Variants in ANK2 observed in about 807,000 individuals in gnomAD.
The protein encoded by ANK2 is ankyrin-2.
A neutral mutation model predicts 360.5 loss-of-function variants in ANK2; 83 were observed. The observed-to-expected ratio is 0.23, with a 90% CI of 0.19 to 0.28. ANK2 has a LOEUF of 0.28. ANK2 is among the 10% of genes least tolerant of loss of function. The pLI is 1.00. For missense variants in ANK2, 4,201 were observed against 4,795.7 expected (o/e 0.88, Z 3.66); for synonymous variants, 1,740 against 1,759.5 (o/e 0.99, Z 0.28).
chr4:113,355,042 C>G lies in ANK2; in HGVS notation c.6424C>G (p.Gln2142Glu). The G allele has an allele frequency of 6.2e-7, 1 of 1,614,012 alleles. No individual in the cohort carries two copies. Among genetic ancestry groups the G allele is most frequent in the Non-Finnish European group, 8.5e-7 (1 of 1,179,956 alleles). The stretch of plus-strand genomic sequence containing the variant: ...CACTGACTTCTCTGAGGTCATTAAG[C>G]AAGAGTTGGAAGACAATGACAAATA... ...TSTDFSEVIK[Q>E]ELEDNDKYQQ... is the part of the protein sequence containing the mutation. The change falls in exon 38 of 46, where the codon CAA becomes GAA. Residue 2142 changes from glutamine (Q) to glutamate (E), a missense_variant. Around this residue, in one of 4 missense-constraint regions of ANK2, gnomAD observed 2,642 missense variants for 2,714.5 expected, o/e 0.97. Transcript: ENST00000357077.
At chr4:113,098,005 G>A (rs1036578880) in intron 1 of ANK2, among the ~76,000 whole-genome samples, 1 of 151,002 alleles carries the variant, frequency 6.6e-6, no homozygotes, top group Admixed American at 6.6e-5. Flanking sequence ...GTTTATAAAT[G>A]CTATTCATGT....
chr4:112,814,225 T>C (rs1553924186), upstream of ANK2, among the ~76,000 whole-genome samples: 1 of 152,216 alleles, frequency 6.6e-6, no homozygotes. Context: ...CATTTTCTTA[T>C]AGTCTTTCCT....
At chr4:113,341,273 AG>A (rs1288629105) in intron 32 of ANK2, among the ~76,000 whole-genome samples, 1 of 152,100 alleles carries the variant, frequency 6.6e-6, no homozygotes, top group Non-Finnish European at 1.5e-5. Flanking sequence ...ACAGCTAGGG[AG>A]GGGGGATCAA....
intron 26 of ANK2, among the ~76,000 whole-genome samples, chr4:113,326,746 A>T (rs1416061956): frequency 2.0e-5 from 3 of 152,190 alleles, no homozygotes; most frequent in Admixed American, 2.0e-4. Context: ...TCATACCTGT[A>T]ATCCCAGCAC....
chr4:113,213,539 A>G (rs2099048695), intron 4 of ANK2, among the ~76,000 whole-genome samples: 2 of 152,198 alleles, frequency 1.3e-5, no homozygotes, highest in Non-Finnish European at 2.9e-5. Flanking sequence ...GTGTTCCCCT[A>G]TAATATAAAT....
chr4:113,228,447 A>G (rs2099251373), intron 4 of ANK2, among the ~76,000 whole-genome samples: 1 of 152,090 alleles, frequency 6.6e-6, no homozygotes, highest in Non-Finnish European at 1.5e-5. Context: ...TTAGTTTTCC[A>G]TTCCTGAGTT....
intron 4 of ANK2, among the ~76,000 whole-genome samples, chr4:113,208,980 A>G (rs185859295): frequency 1.6e-3 from 247 of 152,174 alleles, no homozygotes; most frequent in Non-Finnish European, 2.4e-3. Flanking sequence ...GGCAAAGGGC[A>G]TACTTCCCCT....
the ANK2 span, among the ~76,000 whole-genome samples, chr4:112,795,704 A>G: frequency 2.0e-5 from 3 of 151,696 alleles, no homozygotes; most frequent in South Asian, 4.2e-4. Context: ...GGGTTTCACA[A>G]TGTTGGCCAG....
chr4:112,783,267 C>G, the ANK2 span, among the ~76,000 whole-genome samples: 40,724 of 152,156 alleles, frequency 0.27, 5,860 homozygotes, highest in East Asian at 0.35. Context: ...TTCATGTGAA[C>G]ACATGTGTAT....
chr4:113,333,203 A>G lies in ANK2; in HGVS notation c.3374A>G (p.Asp1125Gly), dbSNP rs2153943504. 6.2e-7 allele frequency: 1 copy of G among 1,614,152 alleles called. No individual in the cohort carries two copies. The highest frequency in any genetic ancestry group is 2.2e-5 in the East Asian group (1 of 44,876). ...DELNEILNGM[D>G]EVLDSPEDLE... ...TTGAATGAAATTCTTAACGGCATGGATGAAGGTACTTTCAGATGAAGCGTT... is the reference window on the plus strand; with the variant it reads ...TTGAATGAAATTCTTAACGGCATGGGTGAAGGTACTTTCAGATGAAGCGTT... The change falls in exon 29 of 46, where the codon GAT (aspartate) becomes GGT (glycine). Residue 1125 changes from aspartate (D) to glycine (G), a missense_variant. By Grantham distance (94) the Asp-to-Gly change is moderately conservative. This residue lies in a region of ANK2 where 1,268 missense variants were observed against 1,650.8 expected (regional missense o/e 0.77). Transcript: ENST00000357077.
At chr4:112,881,931 T>G (rs1321179924) in intron 1 of ANK2, 1 of 672,278 alleles carries the variant, frequency 1.5e-6, no homozygotes, top group East Asian at 2.6e-5. Flanking sequence ...TGGCTTTGCA[T>G]TCACGGCTGC....
At chr4:113,281,607 C>T (rs1235685436) in intron 17 of ANK2, among the ~76,000 whole-genome samples, 5 of 152,074 alleles carry the variant, frequency 3.3e-5, no homozygotes. Context: ...GCTCTCTTTC[C>T]CTTCAGCATG....
At chr4:113,200,928 C>A (rs1159453844) in intron 4 of ANK2, among the ~76,000 whole-genome samples, 1 of 151,954 alleles carries the variant, frequency 6.6e-6, no homozygotes, top group East Asian at 1.9e-4. Flanking sequence ...AGGGGAAATA[C>A]CTAATGTAGA....
At chr4:113,379,224 A>G (rs187643373) in intron 45 of ANK2, among the ~76,000 whole-genome samples, 35 of 152,336 alleles carry the variant, frequency 2.3e-4, no homozygotes, top group Admixed American at 2.1e-3. Context: ...AATTATTCAG[A>G]TGAAACCACA....
chr4:113,017,993 A>G (rs185850222), intron 2 of ANK2, among the ~76,000 whole-genome samples: 70 of 152,354 alleles, frequency 4.6e-4, no homozygotes, highest in African/African-American at 1.6e-3. Context: ...TTAATGAGAT[A>G]CAAAAAAGAA....
At chr4:112,984,450 T>C (rs1253708590) in intron 2 of ANK2, among the ~76,000 whole-genome samples, 1 of 152,214 alleles carries the variant, frequency 6.6e-6, no homozygotes, top group South Asian at 2.1e-4. Flanking sequence ...GTAATAACCA[T>C]CAGATCTCAT....
chr4:112,710,897 C>T, the ANK2 span, among the ~76,000 whole-genome samples: 3 of 122,472 alleles, frequency 2.4e-5, no homozygotes, highest in Admixed American at 7.9e-5. Flanking sequence ...TCTTTTTGAA[C>T]AGGTTTTATA....
At chr4:113,218,451 CAA>C (rs36042626) in intron 4 of ANK2, among the ~76,000 whole-genome samples, 3,702 of 134,444 alleles carry the variant, frequency 0.028, 74 homozygotes, top group Non-Finnish European at 0.041. Flanking sequence ...ATTAAATGAC[CAA>C]AAAAAAAAAA....
chr4:113,150,496 C>T (rs545635410), intron 1 of ANK2, among the ~76,000 whole-genome samples: 23 of 152,290 alleles, frequency 1.5e-4, no homozygotes, highest in African/African-American at 5.5e-4. Context: ...GAAGAAAGTA[C>T]ACTTGTGCCT....
Sources: gnomAD v4.1 joint callset for allele counts (sites outside exome capture counted in the v4.1 genomes callset) on GRCh38, gnomAD v4.1.1 for gene constraint, gnomAD v4.1.1 regional missense constraint, MANE v1.5 for transcripts, NCBI Gene and HGNC (gene_info 2026-07-23, HGNC 2026-07-21) for gene names.